Variants in TIMELESS observed in about 807,000 individuals in gnomAD.
TIMELESS encodes the protein protein timeless homolog.
Under a neutral mutation model 164.3 loss-of-function variants are expected in TIMELESS, and 124 were observed. The ratio of observed to expected loss-of-function variants is 0.75; its 90% CI spans 0.65 to 0.88. TIMELESS has a LOEUF of 0.88. Among genes scored for constraint, TIMELESS ranks in the 40% least tolerant of loss-of-function variants. The pLI is 0.00. For missense variants in TIMELESS, 1,422 were observed against 1,491.4 expected (o/e 0.95, Z 0.77); for synonymous variants, 564 against 563.4 (o/e 1.00, Z -0.02).
chr12:56,425,059 C>T lies in TIMELESS; in HGVS notation c.1672G>A (p.Ala558Thr), dbSNP rs779792567. 6 of 1,614,232 alleles carry T rather than the reference C, an allele frequency of 3.7e-6. No homozygotes were observed. In the Admixed American group the frequency reaches 1.0e-4, roughly 27 times the overall value. Reference protein sequence around the residue: ...NVPSSPEEVEAVWPALAEQLQ... With the variant: ...NVPSSPEEVETVWPALAEQLQ... ...TGCTCAGCCAGGGCTGGCCACACAG[C>T]CTCCACTTCTTCTGGGCTAGATGGG... Residue 558 changes from alanine (A) to threonine (T), a missense_variant, in exon 14 of 29, where the codon GCT (alanine) becomes ACT (threonine). Transcript: ENST00000553532.
intron 10 of TIMELESS, 144 bp downstream of exon 10, chr12:56,429,961 C>G: frequency 1.4e-6 from 1 of 709,848 alleles, no homozygotes; most frequent in Non-Finnish European, 2.2e-6. Context: ...CAGGGACATC[C>G]TAACTGTATA....
At chr12:56,436,242 T>C in intron 1 of TIMELESS, among the ~76,000 whole-genome samples, 1 of 151,908 alleles carries the variant, frequency 6.6e-6, no homozygotes, top group East Asian at 1.9e-4. Flanking sequence ...TCACCTTAGG[T>C]CAGGAGTTCA....
At chr12:56,428,830 T>C (rs1399476905) in intron 11 of TIMELESS, 53 bp downstream of exon 11, 2 of 1,585,088 alleles carry the variant, frequency 1.3e-6, no homozygotes, top group Admixed American at 3.4e-5. Flanking sequence ...CCAGCCAGAA[T>C]TCAAGCATTC....
intron 6 of TIMELESS, among the ~76,000 whole-genome samples, 163 bp from the exon 7 acceptor site, chr12:56,432,687 G>A (rs1881930988): frequency 6.6e-6 from 1 of 152,070 alleles, no homozygotes; most frequent in Non-Finnish European, 1.5e-5. Flanking sequence ...GCTCACGCCT[G>A]TAATCCCAGC....
At position 56,422,092 on chromosome 12, in the gene TIMELESS, C is replaced by G; in HGVS notation, c.2524+14G>C. On this transcript the variant is annotated intron_variant, in intron 20 of 28. Transcript: ENST00000553532. ...GCCCTCCTCATAAACTCTCCAGATC[C>G]CAAGGCCTCTCACCTTCCACGTCCT... 1 of 1,614,104 alleles carries G rather than the reference C, an allele frequency of 6.2e-7. No individual in the cohort carries two copies. Among genetic ancestry groups the G allele is most frequent in the Non-Finnish European group, 8.5e-7 (1 of 1,179,972 alleles).
chr12:56,440,133 C>T (rs1223572296), intron 1 of TIMELESS, among the ~76,000 whole-genome samples: 1 of 87,650 alleles, frequency 1.1e-5, no homozygotes, highest in Non-Finnish European at 2.2e-5. Context: ...TCAAATTAAC[C>T]TTTTTTTTTT....
rs145857959 is a variant in TIMELESS at position 56,433,278 on chromosome 12, C to T, written c.429+103G>A. 1.2e-3 allele frequency: 1,734 copies of T among 1,440,114 alleles called. 31 individuals are homozygous for T. In the Admixed American group the frequency reaches 0.025, roughly 20 times the overall value. The allele number at this position is 1,440,114 out of a possible 1,614,324, so 89.2% of individuals were successfully genotyped here. On this transcript the variant is annotated intron_variant, in intron 5 of 28. Transcript: ENST00000553532. ...AGCCAGAGACTATGGATCGGACTACCACATCCCCAAGGACTGGGACCATAT... is the reference window on the plus strand; with the variant it reads ...AGCCAGAGACTATGGATCGGACTACTACATCCCCAAGGACTGGGACCATAT...
Position 56,433,551 on chromosome 12 carries a change from T to A in TIMELESS, c.353A>T (p.Gln118Leu), listed in dbSNP as rs916526074. The change falls in exon 4 of 29, where the codon CAG becomes CTG. Residue 118 changes from glutamine (Q) to leucine (L), a missense_variant. Physicochemically the swap from Gln to Leu is moderately radical, Grantham distance 113. Coordinates refer to ENST00000553532, the MANE Select transcript of TIMELESS (RefSeq NM_003920.5). ...GGAAATCCTCACCTCTTTGTAGGCC[T>A]GCAAATAAGTTAGCACCTGCAAAAA... ...HHFLQVLTYL[Q>L]AYKEAFASEK... is the part of the protein sequence containing the mutation. 6.2e-7 allele frequency: 1 copy of A among 1,614,214 alleles called. No homozygotes were observed. Among genetic ancestry groups the A allele is most frequent in the Admixed American group, 1.7e-5 (1 of 60,022 alleles).
Position 56,424,540 on chromosome 12 carries a change from G to T in TIMELESS, c.1868+222C>A, listed in dbSNP as rs181508820. Among the ~76,000 whole-genome samples, 3 of 152,212 alleles carry T rather than the reference G, an allele frequency of 2.0e-5. No individual in the cohort carries two copies. The East Asian group carries it at 5.8e-4, about 29-fold the overall frequency. On this transcript the variant is annotated intron_variant, in intron 15 of 28. Transcript: ENST00000553532. ...GGACTTATTGATGATGTCAAGTGAG[G>T]ATTTGCTTTCTTTATTTTTTTCTCA...
chr12:56,435,725 T>C (rs1037066395), intron 1 of TIMELESS, among the ~76,000 whole-genome samples: 26 of 152,050 alleles, frequency 1.7e-4, no homozygotes, highest in Admixed American at 1.7e-3. Flanking sequence ...TTTGGGAGGC[T>C]GAGGCGGGCG....
rs754380231 is a variant in TIMELESS at position 56,418,026 on chromosome 12, G to T, written c.3455-18C>A. ...GTCTTCCTCTGCAATGACCATAAAT[G>T]ACACAAAATTAGGAACTCGGTCCTC... On this transcript the variant is annotated intron_variant, in intron 27 of 28. Transcript: ENST00000553532. 3.1e-6 allele frequency: 5 copies of T among 1,614,104 alleles called. No individual in the cohort carries two copies. The Middle Eastern group carries it at 5.0e-4, about 160-fold the overall frequency.
chr12:56,438,838 G>A (rs1252376800), intron 1 of TIMELESS, among the ~76,000 whole-genome samples: 1 of 138,996 alleles, frequency 7.2e-6, no homozygotes, highest in Non-Finnish European at 1.5e-5. Flanking sequence ...ATGCCATGAA[G>A]TAGATGAAAC....
intron 1 of TIMELESS, among the ~76,000 whole-genome samples, chr12:56,438,743 A>C: frequency 7.8e-6 from 1 of 127,582 alleles, no homozygotes. Context: ...GCGCCACCGC[A>C]CTCCAGCCTA....
chr12:56,432,626 C>T (rs1031084542), intron 6 of TIMELESS, 102 bp from the exon 7 acceptor site: 103 of 1,495,710 alleles, frequency 6.9e-5, no homozygotes, highest in Non-Finnish European at 8.7e-5. Flanking sequence ...CTCTCCCAGA[C>T]TTGTCAGAGG....
At position 56,417,923 on chromosome 12, in the gene TIMELESS, A is replaced by G. The variant is rs1050446970; in HGVS notation, c.3540T>C (p.Asp1180=). The change falls in exon 28 of 29, where the codon GAT becomes GAC. Residue 1180 remains aspartate, a synonymous_variant. Transcript: ENST00000553532. ...LLDSDEEQEE[D]EGRNRAPELG... The stretch of plus-strand genomic sequence containing the variant: ...ATTCCCTACCTCTGTTCCTGCCCTC[A>G]TCTTCTTCCTGTTCCTCGTCGCTGT... The G allele has an allele frequency of 1.4e-5, 22 of 1,614,026 alleles. No individual in the cohort carries two copies. Among genetic ancestry groups the G allele is most frequent in the African/African-American group, 2.7e-5 (2 of 74,914 alleles).
chr12:56,434,663 G>A (rs1882011682), intron 1 of TIMELESS, among the ~76,000 whole-genome samples: 2 of 152,214 alleles, frequency 1.3e-5, no homozygotes, highest in Admixed American at 6.5e-5. Flanking sequence ...CTTGAACCCA[G>A]GAGGCAGAGG....
Position 56,418,305 on chromosome 12 carries a change from C to T in TIMELESS, c.3283G>A (p.Ala1095Thr), listed in dbSNP as rs1324109715. The T allele has an allele frequency of 6.2e-7, 1 of 1,614,140 alleles. No individual in the cohort carries two copies. The highest frequency in any genetic ancestry group is 8.5e-7 in the Non-Finnish European group (1 of 1,180,032). ...TCCTCTGGTTGACTCAAAGAAGCTGCTGCCCTCCGGAGCTGGGTAGGACTC... is the reference window on the plus strand; with the variant it reads ...TCCTCTGGTTGACTCAAAGAAGCTGTTGCCCTCCGGAGCTGGGTAGGACTC... ...KLSPTQLRRA[A>T]ASLSQPEEEQ... Residue 1095 changes from alanine to threonine, a missense_variant, in exon 27 of 29, where the codon GCA (alanine) becomes ACA (threonine). By Grantham distance (58) the Ala-to-Thr change is moderately conservative. Transcript: ENST00000553532.
intron 1 of TIMELESS, among the ~76,000 whole-genome samples, chr12:56,443,988 C>T (rs1263107850): frequency 6.6e-6 from 1 of 151,522 alleles, no homozygotes; most frequent in African/African-American, 2.4e-5. Context: ...ATCTCCGCCT[C>T]CTGGGTTCAA....
chr12:56,442,265 A>G (rs1246767661), intron 1 of TIMELESS, among the ~76,000 whole-genome samples: 2 of 152,168 alleles, frequency 1.3e-5, no homozygotes, highest in African/African-American at 4.8e-5. Flanking sequence ...CATGATTAGA[A>G]CTGGGCCTTT....
Sources: gnomAD v4.1 joint callset for allele counts (sites outside exome capture counted in the v4.1 genomes callset) on GRCh38, gnomAD v4.1.1 for gene constraint, MANE v1.5 for transcripts, NCBI Gene and HGNC (gene_info 2026-07-23, HGNC 2026-07-21) for gene names.